The following PREP variants were observed in gnomAD, a reference collection of about 807,000 sequenced individuals.
The protein encoded by PREP is prolyl endopeptidase.
PREP carries 29 observed loss-of-function variants against 87.6 expected under a neutral mutation model. The ratio of observed to expected loss-of-function variants is 0.33; its 90% CI spans 0.25 to 0.45. The LOEUF (loss-of-function observed/expected upper bound fraction) is 0.45, where lower values mean the gene tolerates loss of function less well. Among genes scored for constraint, PREP ranks in the 20% least tolerant of loss-of-function variants. The pLI, the probability that PREP is intolerant of heterozygous loss-of-function variation, is 1.00. For missense variants in PREP, 695 were observed against 886.5 expected (o/e 0.78, Z 2.74); for synonymous variants, 337 against 328.6 (o/e 1.03, Z -0.28).
At chr6:105,347,830 T>C (rs1270446942) in intron 7 of PREP, among the ~76,000 whole-genome samples, 2 of 152,098 alleles carry the variant, frequency 1.3e-5, no homozygotes, top group Non-Finnish European at 2.9e-5. Context: ...CTGGGCAATA[T>C]AGTGAGACTC....
intron 1 of PREP, among the ~76,000 whole-genome samples, chr6:105,400,160 T>A (rs1399810971): frequency 6.6e-6 from 1 of 152,240 alleles, no homozygotes; most frequent in African/African-American, 2.4e-5. Flanking sequence ...ATGTGTCTTA[T>A]AGCCACTTCC....
At chr6:105,354,408 C>T (rs1772038484) in intron 6 of PREP, among the ~76,000 whole-genome samples, 1 of 152,120 alleles carries the variant, frequency 6.6e-6, no homozygotes, top group African/African-American at 2.4e-5. Context: ...CTTAGCAATA[C>T]CGTATGAGAG....
intron 6 of PREP, among the ~76,000 whole-genome samples, chr6:105,356,139 G>A (rs958051348): frequency 6.6e-6 from 1 of 151,844 alleles, no homozygotes; most frequent in East Asian, 1.9e-4. Flanking sequence ...CTGGGCTTTT[G>A]AATGTTGTCT....
chr6:105,398,118 T>C (rs1773333425), intron 1 of PREP, among the ~76,000 whole-genome samples, 191 bp from the exon 2 acceptor site: 1 of 152,130 alleles, frequency 6.6e-6, no homozygotes, highest in Admixed American at 6.6e-5. Flanking sequence ...CCACCCTTCA[T>C]GAAAAGAATG....
rs368921394 is a variant in PREP, at chr6:105,278,300, G to C, written c.1977C>G (p.Ile659Met). ...SLKFIATLQY[I>M]VGRSRKQSNP... ...TGCTTTGCTTCCTGCTGCGGCCCAC[G>C]ATGTACTGAAGGGTGGCAATGAACT... The change falls in exon 15 of 15, where the codon ATC becomes ATG. Residue 659 changes from isoleucine to methionine, a missense_variant. Around this residue, in one of 5 missense-constraint regions of PREP, gnomAD observed 121 missense variants for 154.8 expected, o/e 0.78. Coordinates refer to ENST00000652536, the MANE Select transcript of PREP (RefSeq NM_002726.5). This position sits in a 1 kb window ranked among gnomAD's most constrained non-coding sequence, Gnocchi z 4.2. The C allele has an allele frequency of 1.9e-6, 3 of 1,614,096 alleles. No homozygotes were observed. Among genetic ancestry groups the C allele is most frequent in the Non-Finnish European group, 2.5e-6 (3 of 1,180,052 alleles).
At chr6:105,290,684 T>A (rs974846309) in intron 10 of PREP, among the ~76,000 whole-genome samples, 11 of 152,120 alleles carry the variant, frequency 7.2e-5, no homozygotes, top group Non-Finnish European at 1.5e-5. Flanking sequence ...ATTTCCAGTA[T>A]CTGAAAGCCA....
At position 105,277,814 on chromosome 6, in the gene PREP, A is replaced by C. The variant is rs1583030777; in HGVS notation, c.*330T>G. On this transcript the variant is annotated 3_prime_UTR_variant, in exon 15 of 15. Transcript: ENST00000652536. Reference sequence around the variant, plus strand: ...AAAGATATAGAGGTTATGGATATAGATAAGTATGCCCGACTATGATCCTTA... The same window carrying C: ...AAAGATATAGAGGTTATGGATATAGCTAAGTATGCCCGACTATGATCCTTA... The C allele has an allele frequency of 3.1e-6, 1 of 320,406 alleles. No homozygotes were observed. Among genetic ancestry groups the C allele is most frequent in the Non-Finnish European group, 5.8e-6 (1 of 173,392 alleles). The allele number at this position is 320,406 out of a possible 1,614,324, so 19.8% of individuals were successfully genotyped here.
At chr6:105,282,855 G>T (rs1310644250) in intron 12 of PREP, among the ~76,000 whole-genome samples, 3 of 152,224 alleles carry the variant, frequency 2.0e-5, no homozygotes, top group African/African-American at 7.2e-5. Context: ...GGAACAGATG[G>T]TCGGTTATGA....
chr6:105,274,417 C>T lies in PREP; in HGVS notation c.*3727G>A, dbSNP rs141371804. ...CCTAATTCCATCACTTTGGGATTTA[C>T]GATTTCAACATATACATTTCGGGGA... On this transcript the variant is annotated 3_prime_UTR_variant, in exon 15 of 15. Coordinates refer to ENST00000652536, the MANE Select transcript of PREP (RefSeq NM_002726.5). Among the ~76,000 whole-genome samples the T allele has an allele frequency of 6.6e-6, 1 of 152,112 alleles. No homozygotes were observed.
chr6:105,293,756 T>C (rs1352645093), intron 10 of PREP, among the ~76,000 whole-genome samples: 1 of 152,196 alleles, frequency 6.6e-6, no homozygotes, highest in Non-Finnish European at 1.5e-5. Context: ...ATTGATGGAA[T>C]GGTAATTGAG....
At chr6:105,383,627 C>T (rs376375587) in intron 2 of PREP, among the ~76,000 whole-genome samples, 5 of 152,150 alleles carry the variant, frequency 3.3e-5, no homozygotes, top group African/African-American at 7.2e-5. Flanking sequence ...GCAGACTAGG[C>T]GGAGCCTTCT....
intron 1 of PREP, among the ~76,000 whole-genome samples, chr6:105,399,623 C>A (rs1478071111): frequency 1.3e-5 from 2 of 152,198 alleles, no homozygotes; most frequent in African/African-American, 4.8e-5. Flanking sequence ...AGATTGTCAC[C>A]ACCGAACAAC....
chr6:105,278,309 A>C lies in PREP; in HGVS notation c.1968T>G (p.Leu656=). ...TCCTGCTGCGGCCCACGATGTACTG[A>C]AGGGTGGCAATGAACTTCAGGGAGT... The part of the protein sequence containing the change: ...PLHSLKFIAT[L]QYIVGRSRKQ... Residue 656 remains leucine, a synonymous_variant, in exon 15 of 15, where the codon CTT becomes CTG. Coordinates refer to ENST00000652536, the MANE Select transcript of PREP (RefSeq NM_002726.5). The surrounding 1 kb of genome is among the most constrained non-coding windows in gnomAD (Gnocchi z 4.2). 1.2e-6 allele frequency: 2 copies of C among 1,614,100 alleles called. No individual in the cohort carries two copies. The highest frequency in any genetic ancestry group is 1.1e-5 in the South Asian group (1 of 91,082).
At chr6:105,402,437 CACACACACACAA>C (rs1023899149) in intron 1 of PREP, among the ~76,000 whole-genome samples, 4 of 151,114 alleles carry the variant, frequency 2.6e-5, no homozygotes, top group East Asian at 1.9e-4. Flanking sequence ...CACACACACA[CACACACACACAA>C]ACACACACAC....
chr6:105,301,319 C>T lies in PREP; in HGVS notation c.1318-12425G>A, dbSNP rs533208800. Among the ~76,000 whole-genome samples, 88 of 152,280 alleles carry T rather than the reference C, an allele frequency of 5.8e-4. 1 individual carries two copies. Among genetic ancestry groups the T allele is most frequent in the African/African-American group, 2.1e-3 (86 of 41,556 alleles). ...ACTTGTGTGGTCTGTGCTACGTGTG[C>T]CAAATAAATCTGACAAGGAGCAGAA... On this transcript the variant is annotated intron_variant, in intron 10 of 14. Transcript: ENST00000652536.
chr6:105,283,631 G>C (rs551485660), intron 12 of PREP, among the ~76,000 whole-genome samples: 1 of 152,106 alleles, frequency 6.6e-6, no homozygotes, highest in African/African-American at 2.4e-5. Context: ...TTTAAAAAGA[G>C]CATTAAATTT....
At position 105,361,298 on chromosome 6, in the gene PREP, T is replaced by C. The variant is rs150605216; in HGVS notation, c.717+7605A>G. Among the ~76,000 whole-genome samples, 1,204 of 152,264 alleles carry C rather than the reference T, an allele frequency of 7.9e-3. 15 individuals are homozygous for C. Among genetic ancestry groups the C allele is most frequent in the African/African-American group, 0.028 (1,144 of 41,554 alleles). ...GAACACAAAACCTAATATTTATATA[T>C]ATACAGGATATGTGGACTTACATCA... On this transcript the variant is annotated intron_variant, in intron 6 of 14. Coordinates refer to ENST00000652536, the MANE Select transcript of PREP (RefSeq NM_002726.5).
At position 105,373,580 on chromosome 6, in the gene PREP, T is replaced by C. The variant is rs1772614093; in HGVS notation, c.386-2A>G. Reference sequence around the variant, plus strand: ...CACCATCTTCGCTGAACGCATAACCTATGGGACACAGGAGAAATCATCCAG... The same window carrying C: ...CACCATCTTCGCTGAACGCATAACCCATGGGACACAGGAGAAATCATCCAG... On this transcript the variant is annotated splice_acceptor_variant, in intron 4 of 14. Coordinates refer to ENST00000652536, the MANE Select transcript of PREP (RefSeq NM_002726.5). LOFTEE classifies it high-confidence loss of function. The C allele has an allele frequency of 6.2e-7, 1 of 1,613,240 alleles. No homozygotes were observed. The highest frequency in any genetic ancestry group is 8.5e-7 in the Non-Finnish European group (1 of 1,179,528).
intron 9 of PREP, among the ~76,000 whole-genome samples, chr6:105,324,552 T>G (rs1248063092): frequency 6.6e-6 from 1 of 152,176 alleles, no homozygotes; most frequent in Admixed American, 6.6e-5. Flanking sequence ...AAAACAGAAT[T>G]AGTCATCCAC....
Sources: allele counts gnomAD v4.1 joint callset (sites outside exome capture counted in the v4.1 genomes callset), GRCh38; gene constraint gnomAD v4.1.1; regional missense constraint gnomAD v4.1.1; non-coding constraint Gnocchi (gnomAD v3.1); transcripts MANE v1.5; gene names NCBI Gene and HGNC (gene_info 2026-07-23, HGNC 2026-07-21).